PIAS1: variants seen among roughly 807,000 people sequenced by gnomAD.
PIAS1 encodes protein inhibitor of activated STAT 1, also known as E3 SUMO-protein ligase PIAS1.
A neutral mutation model predicts 71.3 loss-of-function variants in PIAS1; 6 were observed. The ratio of observed to expected loss-of-function variants is 0.08; its 90% CI spans 0.05 to 0.17. The LOEUF (loss-of-function observed/expected upper bound fraction) is 0.17. Among genes scored for constraint, PIAS1 ranks in the 10% least tolerant of loss-of-function variants. PIAS1 has a pLI of 1.00. For synonymous variants in PIAS1, 303 were observed against 292.9 expected, an observed-to-expected ratio of 1.03 and a Z score of -0.35; for missense variants, 555 against 793.6, an observed-to-expected ratio of 0.70 and a Z score of 3.61.
rs532193851 is a variant in PIAS1 at position 68,099,570 on chromosome 15, G to A, written c.469+12820G>A. 4.0e-5 allele frequency among the ~76,000 whole-genome samples: 6 copies of A among 151,886 alleles called. No individual in the cohort carries two copies. The South Asian group carries it at 1.0e-3, about 26-fold the overall frequency. ...GCTATCATAAATAATGTTATCCTGA[G>A]TATTCATGTACAGGTGCTTGTATGG... On this transcript the variant is annotated intron_variant, in intron 2 of 13. Transcript: ENST00000249636.
chr15:68,163,655 A>G (rs956612915), intron 7 of PIAS1, among the ~76,000 whole-genome samples: 12 of 152,168 alleles, frequency 7.9e-5, no homozygotes, highest in Non-Finnish European at 1.0e-4. Flanking sequence ...GATTTCTCAT[A>G]AATGGTTATC....
At position 68,178,374 on chromosome 15, in the gene PIAS1, C is replaced by T. The variant is rs2093033063; in HGVS notation, c.1481+1720C>T. ...GAAACAAAGACATTAAAAACAGTAT[C>T]ATCATTCTAAACAAAGTGAATAATT... On this transcript the variant is annotated intron_variant, in intron 11 of 13. Coordinates refer to ENST00000249636, the MANE Select transcript of PIAS1 (RefSeq NM_016166.3). The surrounding 1 kb of genome is among the most constrained non-coding windows in gnomAD (Gnocchi z 4.2). Among the ~76,000 whole-genome samples, 2 of 152,324 alleles carry T rather than the reference C, an allele frequency of 1.3e-5. No individual in the cohort carries two copies. The highest frequency in any genetic ancestry group is 4.1e-4 in the South Asian group (2 of 4,830).
intron 2 of PIAS1, among the ~76,000 whole-genome samples, chr15:68,098,234 AT>A (rs1238406290): frequency 6.6e-6 from 1 of 152,232 alleles, no homozygotes; most frequent in Non-Finnish European, 1.5e-5. Context: ...TAAACAGTTG[AT>A]TAACACGTAT....
intron 1 of PIAS1, among the ~76,000 whole-genome samples, chr15:68,078,273 T>G (rs959312362): frequency 1.6e-4 from 25 of 152,238 alleles, no homozygotes; most frequent in Non-Finnish European, 7.3e-5. Context: ...CTGTAGTTTT[T>G]CTTTGCAGTA....
chr15:68,055,332 A>T (rs1242641022), intron 1 of PIAS1: 1 of 348,668 alleles, frequency 2.9e-6, no homozygotes, highest in East Asian at 1.7e-4. Flanking sequence ...TGCTACTCCA[A>T]CCCCCGATAA....
At chr15:68,091,837 G>A (rs1216182361) in intron 2 of PIAS1, among the ~76,000 whole-genome samples, 1 of 152,062 alleles carries the variant, frequency 6.6e-6, no homozygotes, top group East Asian at 1.9e-4. Context: ...ATTGAATATC[G>A]TACTGAAGTG....
chr15:68,090,078 T>A (rs2092320256), intron 2 of PIAS1, among the ~76,000 whole-genome samples: 1 of 150,284 alleles, frequency 6.7e-6, no homozygotes, highest in Non-Finnish European at 1.5e-5. Context: ...CAGGGTCTCA[T>A]CATGTCAGCC....
At chr15:68,084,981 CT>C (rs1422027003) in intron 1 of PIAS1, among the ~76,000 whole-genome samples, 12 of 152,144 alleles carry the variant, frequency 7.9e-5, no homozygotes, top group Admixed American at 7.9e-4. Flanking sequence ...ACTCATATTT[CT>C]TTGATTAACC....
intron 7 of PIAS1, 103 bp downstream of exon 7, chr15:68,153,798 C>T: frequency 4.6e-6 from 3 of 651,342 alleles, no homozygotes; most frequent in Non-Finnish European, 2.8e-6. Flanking sequence ...TTCACTGGAG[C>T]CTGTTGTGTA....
intron 7 of PIAS1, among the ~76,000 whole-genome samples, chr15:68,164,044 C>CGAG (rs2092941067): frequency 6.6e-6 from 1 of 151,800 alleles, no homozygotes; most frequent in Admixed American, 6.6e-5. Context: ...TTACTAGTGT[C>CGAG]TCCTCCCTTA....
chr15:68,090,846 A>G (rs2092326178), intron 2 of PIAS1, among the ~76,000 whole-genome samples: 1 of 152,136 alleles, frequency 6.6e-6, no homozygotes, highest in Non-Finnish European at 1.5e-5. Context: ...TGTAGAATCC[A>G]TAGAAATTAT....
Position 68,139,945 on chromosome 15 carries a change from C to T in PIAS1, c.470-2001C>T, listed in dbSNP as rs561871597. Among the ~76,000 whole-genome samples, 6 of 152,178 alleles carry T rather than the reference C, an allele frequency of 3.9e-5. No individual in the cohort carries two copies. The South Asian group carries it at 1.2e-3, about 32-fold the overall frequency. ...TGAAAGGGCTAATGGTAGCTTACTTCACTTTCAGAAAGGTTTTTAAATAGT... is the reference window on the plus strand; with the variant it reads ...TGAAAGGGCTAATGGTAGCTTACTTTACTTTCAGAAAGGTTTTTAAATAGT... On this transcript the variant is annotated intron_variant, in intron 2 of 13. Coordinates refer to ENST00000249636, the MANE Select transcript of PIAS1 (RefSeq NM_016166.3).
At position 68,054,396 on chromosome 15, in the gene PIAS1, G is replaced by C. The variant is rs1349039323; in HGVS notation, c.24+46G>C. 2 of 1,547,656 alleles carry C rather than the reference G, an allele frequency of 1.3e-6. No homozygotes were observed. Among genetic ancestry groups the C allele is most frequent in the East Asian group, 2.4e-5 (1 of 40,886 alleles). On this transcript the variant is annotated intron_variant, in intron 1 of 13. Coordinates refer to ENST00000249636, the MANE Select transcript of PIAS1 (RefSeq NM_016166.3). The surrounding 1 kb of genome is among the most constrained non-coding windows in gnomAD (Gnocchi z 4.6). Reference sequence around the variant, plus strand: ...ACTTCTAATATTCGGCCGCGGAGACGGCGCCGCTGCTGCCAGGGGGGATGG... The same window carrying C: ...ACTTCTAATATTCGGCCGCGGAGACCGCGCCGCTGCTGCCAGGGGGGATGG...
At chr15:68,087,602 A>G (rs1388985326) in intron 2 of PIAS1, among the ~76,000 whole-genome samples, 3 of 152,152 alleles carry the variant, frequency 2.0e-5, no homozygotes, top group African/African-American at 7.2e-5. Flanking sequence ...AGTTATTAAC[A>G]AAAAAGGAAA....
intron 7 of PIAS1, among the ~76,000 whole-genome samples, chr15:68,161,137 A>G (rs574608376): frequency 6.6e-6 from 1 of 152,346 alleles, no homozygotes; most frequent in Non-Finnish European, 1.5e-5. Context: ...ATATACAAAA[A>G]CAAATTGTAT....
Position 68,173,723 on chromosome 15 carries a change from T to G in PIAS1, c.1009-9T>G, listed in dbSNP as rs2093005489. On this transcript the variant is annotated splice_polypyrimidine_tract_variant and intron_variant, in intron 8 of 13. Coordinates refer to ENST00000249636, the MANE Select transcript of PIAS1 (RefSeq NM_016166.3). This position sits in a 1 kb window ranked among gnomAD's most constrained non-coding sequence, Gnocchi z 4.3. ...TTATCTAATATTTACTTTTTCTCCC[T>G]TTTTAAAGCTTGGTAAAATGCGGCT... 5 of 1,508,592 alleles carry G rather than the reference T, an allele frequency of 3.3e-6. No individual in the cohort carries two copies. Among genetic ancestry groups the G allele is most frequent in the African/African-American group, 1.4e-5 (1 of 71,702 alleles). 93.5% of individuals were successfully genotyped at this position (1,508,592 alleles called of 1,614,324 possible). A position where few individuals can be genotyped will look rare whatever the true frequency, so the allele number is the denominator to read the frequency against.
At chr15:68,126,133 G>C (rs1458536916) in intron 2 of PIAS1, among the ~76,000 whole-genome samples, 2 of 152,098 alleles carry the variant, frequency 1.3e-5, no homozygotes, top group African/African-American at 4.8e-5. Context: ...GGAATACAGT[G>C]GTAATCTGGA....
chr15:68,086,098 C>A lies in PIAS1; in HGVS notation c.25-208C>A, dbSNP rs2092279071. ...ATTTCTTATAACCAAGGGTAGAAGT[C>A]AATGAATTTATGAATATTAATTTTA... is the stretch of plus-strand genomic sequence containing the variant. On this transcript the variant is annotated intron_variant, in intron 1 of 13. Transcript: ENST00000249636. The surrounding 1 kb of genome is among the most constrained non-coding windows in gnomAD (Gnocchi z 7.2). 6.6e-6 allele frequency among the ~76,000 whole-genome samples: 1 copy of A among 152,010 alleles called. No individual in the cohort carries two copies. Among genetic ancestry groups the A allele is most frequent in the Admixed American group, 6.6e-5 (1 of 15,242 alleles).
chr15:68,151,962 G>GTTT (rs1272581079), intron 6 of PIAS1, among the ~76,000 whole-genome samples: 177 of 84,928 alleles, frequency 2.1e-3, no homozygotes, highest in African/African-American at 5.2e-3. Context: ...TTTTTTTTTG[G>GTTT]GGGGGGAGAC....
Sources: allele counts gnomAD v4.1 joint callset (sites outside exome capture counted in the v4.1 genomes callset), GRCh38; gene constraint gnomAD v4.1.1; non-coding constraint Gnocchi (gnomAD v3.1); transcripts MANE v1.5; gene names NCBI Gene and HGNC (gene_info 2026-07-23, HGNC 2026-07-21).